ANKRD34A: variants seen among roughly 807,000 people sequenced by gnomAD.
ANKRD34A encodes ankyrin repeat domain-containing protein 34A.
A neutral mutation model predicts 27.1 loss-of-function variants in ANKRD34A; 7 were observed. That is an observed-to-expected ratio of 0.26 (90% CI 0.15 to 0.49). ANKRD34A has a LOEUF of 0.49. Ranked by LOEUF, ANKRD34A falls within the 20% of genes least tolerant of loss-of-function variation. ANKRD34A has a pLI of 0.99. For synonymous variants in ANKRD34A, 301 were observed against 300.8 expected (o/e 1.00, Z -0.01); for missense variants, 472 against 682.1 (o/e 0.69, Z 3.43).
In ANKRD34A at chr1:145,960,871, C is replaced by G. The variant is rs1649720125; in HGVS notation, c.889G>C (p.Asp297His). The G allele has an allele frequency of 1.2e-6, 2 of 1,614,102 alleles. No homozygotes were observed. The highest frequency in any genetic ancestry group is 1.7e-6 in the Non-Finnish European group (2 of 1,180,032). The part of the protein sequence containing the change: ...SRRHSTEGPE[D>H]PPPWAEKVTS... ...ACTTTCTCCGCCCATGGGGGCGGGT[C>G]CTCAGGGCCTTCGGTGCTGTGACGT... is the stretch of plus-strand genomic sequence containing the variant. Residue 297 changes from aspartate to histidine, a missense_variant, in exon 4 of 4, where the codon GAC (aspartate) becomes CAC (histidine). Asp to His is a moderately conservative substitution (Grantham distance 81, BLOSUM62 -1). Transcript: ENST00000606888. The surrounding 1 kb of genome is among the most constrained non-coding windows in gnomAD (Gnocchi z 5.5).
At position 145,961,706 on chromosome 1, in the gene ANKRD34A, T is replaced by C; in HGVS notation, c.54A>G (p.Leu18=). Residue 18 remains leucine (L), a synonymous_variant, in exon 4 of 4, where the codon CTA becomes CTG. Transcript: ENST00000606888. The surrounding 1 kb of genome is among the most constrained non-coding windows in gnomAD (Gnocchi z 9.5). The part of the protein sequence containing the change: ...ALLRAVGQGK[L]RLARLLLEGG... ...CCTCCAGAAGCAAACGGGCCAAGCG[T>C]AGCTTACCCTGACCCACCGCCCGAA... 6.2e-7 allele frequency: 1 copy of C among 1,613,868 alleles called. No homozygotes were observed. The highest frequency in any genetic ancestry group is 8.5e-7 in the Non-Finnish European group (1 of 1,179,892).
chr1:145,961,153 G>A lies in ANKRD34A; in HGVS notation c.607C>T (p.Arg203Cys), dbSNP rs149951044. The part of the protein sequence containing the change: ...GGGGRGMLSP[R>C]AQEEEEKRDV... ...CGCTTCTCCTCTTCTTCCTGGGCGC[G>A]AGGGGATAACATCCCACGCCCTCCT... is the stretch of plus-strand genomic sequence containing the variant. Residue 203 changes from arginine (R) to cysteine (C), a missense_variant, in exon 4 of 4, where the codon CGC (arginine) becomes TGC (cysteine). Around this residue, in one of 4 missense-constraint regions of ANKRD34A, gnomAD observed 295 missense variants for 335.0 expected, o/e 0.88. Coordinates refer to ENST00000606888, the MANE Select transcript of ANKRD34A (RefSeq NM_001039888.4). This position sits in a 1 kb window ranked among gnomAD's most constrained non-coding sequence, Gnocchi z 9.5. The A allele has an allele frequency of 1.9e-6, 3 of 1,614,044 alleles. No homozygotes were observed. Among genetic ancestry groups the A allele is most frequent in the East Asian group, 2.2e-5 (1 of 44,888 alleles).
chr1:145,960,866 C>T lies in ANKRD34A; in HGVS notation c.894G>A (p.Pro298=). 2 of 1,614,220 alleles carry T rather than the reference C, an allele frequency of 1.2e-6. No individual in the cohort carries two copies. The highest frequency in any genetic ancestry group is 2.2e-5 in the East Asian group (1 of 44,890). The change falls in exon 4 of 4, where the codon CCG becomes CCA. Residue 298 remains proline, a synonymous_variant. Transcript: ENST00000606888. This position sits in a 1 kb window ranked among gnomAD's most constrained non-coding sequence, Gnocchi z 5.5. The stretch of plus-strand genomic sequence containing the variant: ...TAGTCACTTTCTCCGCCCATGGGGG[C>T]GGGTCCTCAGGGCCTTCGGTGCTGT... ...RRHSTEGPED[P]PPWAEKVTSG... is the part of the protein sequence containing the mutation.
At position 145,959,493 on chromosome 1, in the gene ANKRD34A, G is replaced by T. The variant is rs1395004898; in HGVS notation, c.*776C>A. On this transcript the variant is annotated 3_prime_UTR_variant, in exon 4 of 4. Transcript: ENST00000606888. Reference sequence around the variant, plus strand: ...TCAAGTGGAGAGAGGAGTGATTTAGGGTTTCTCCCCACTTCTACCTGTGGG... The same window carrying T: ...TCAAGTGGAGAGAGGAGTGATTTAGTGTTTCTCCCCACTTCTACCTGTGGG... 6.0e-6 allele frequency: 1 copy of T among 167,034 alleles called. No homozygotes were observed. Among genetic ancestry groups the T allele is most frequent in the African/African-American group, 2.4e-5 (1 of 41,414 alleles). 10.3% of individuals were successfully genotyped at this position (167,034 alleles called of 1,614,324 possible). A position where few individuals can be genotyped will look rare whatever the true frequency, so the allele number is the denominator to read the frequency against.
Position 145,964,176 on chromosome 1 carries a change from C to A in ANKRD34A, c.-897+8G>T. ...CCAAATCCTTCCTTTCTTGAACCCT[C>A]TGCCCACCTTCTCACAGACACGGCA... On this transcript the variant is annotated splice_region_variant and intron_variant, in intron 1 of 3. Coordinates refer to ENST00000606888, the MANE Select transcript of ANKRD34A (RefSeq NM_001039888.4). The A allele has an allele frequency of 6.5e-6, 1 of 152,692 alleles. No individual in the cohort carries two copies. The allele number at this position is 152,692 out of a possible 1,614,324, so 9.5% of individuals were successfully genotyped here. A position where few individuals can be genotyped will look rare whatever the true frequency, so the allele number is the denominator to read the frequency against.
rs782261088 is a variant in ANKRD34A, at chr1:145,961,591, C to T, written c.169G>A (p.Ala57Thr). The T allele has an allele frequency of 6.2e-7, 1 of 1,609,296 alleles. No homozygotes were observed. Among genetic ancestry groups the T allele is most frequent in the South Asian group, 1.1e-5 (1 of 90,516 alleles). Residue 57 changes from alanine to threonine, a missense_variant, in exon 4 of 4, where the codon GCA (alanine) becomes ACA (threonine). This residue lies in a region of ANKRD34A where 118 missense variants were observed against 253.6 expected (regional missense o/e 0.47). Coordinates refer to ENST00000606888, the MANE Select transcript of ANKRD34A (RefSeq NM_001039888.4). This position sits in a 1 kb window ranked among gnomAD's most constrained non-coding sequence, Gnocchi z 9.5. ...RARYDDPQNK[A>T]RMVRYLLEQG... ...TCCAGGAGGTAGCGTACCATGCGTG[C>T]CTTGTTCTGGGGGTCGTCGTAGCGG...
In ANKRD34A at chr1:145,960,540, C is replaced by T; in HGVS notation, c.1220G>A (p.Arg407Lys). ...GTCCAGGAGCAACGTCCCCGAGCCC[C>T]TCCGCTCCAGCAGCCCCGGACTCCG... is the stretch of plus-strand genomic sequence containing the variant. ...RRRSPGLLER[R>K]GSGTLLLDHI... is the part of the protein sequence containing the mutation. The change falls in exon 4 of 4, where the codon AGG (arginine) becomes AAG (lysine). Residue 407 changes from arginine (R) to lysine (K), a missense_variant. Coordinates refer to ENST00000606888, the MANE Select transcript of ANKRD34A (RefSeq NM_001039888.4). This position sits in a 1 kb window ranked among gnomAD's most constrained non-coding sequence, Gnocchi z 5.5. The T allele has an allele frequency of 6.3e-7, 1 of 1,587,692 alleles. No individual in the cohort carries two copies. The highest frequency in any genetic ancestry group is 2.3e-5 in the East Asian group (1 of 43,802).
rs1437303676 is a variant in ANKRD34A, at chr1:145,961,372, G to T, written c.388C>A (p.Leu130Met). The change falls in exon 4 of 4, where the codon CTG becomes ATG. Residue 130 changes from leucine (L) to methionine (M), a missense_variant. Leu to Met is a conservative substitution (Grantham distance 15). Transcript: ENST00000606888. The surrounding 1 kb of genome is among the most constrained non-coding windows in gnomAD (Gnocchi z 9.5). ...DRGDRETLAT[L>M]LDACKAKGTE... is the part of the protein sequence containing the mutation. ...CCCTTGGCCTTGCAGGCGTCCAGCA[G>T]TGTGGCAAGGGTCTCGCGGTCCCCG... The T allele has an allele frequency of 6.2e-7, 1 of 1,613,942 alleles. No homozygotes were observed. Among genetic ancestry groups the T allele is most frequent in the Non-Finnish European group, 8.5e-7 (1 of 1,179,990 alleles).
In ANKRD34A at chr1:145,960,746, T is replaced by G. The variant is rs782701596; in HGVS notation, c.1014A>C (p.Pro338=). 1.7e-5 allele frequency: 27 copies of G among 1,614,110 alleles called. No homozygotes were observed. Among genetic ancestry groups the G allele is most frequent in the Non-Finnish European group, 4.2e-6 (5 of 1,180,036 alleles). ...GLRQKLSRME[P]VELDTPGHLC... ...GGTGTCCAGGGGTGTCCAGCTCCAC[T>G]GGCTCCATGCGGCTCAGTTTCTGCC... Residue 338 remains proline (P), a synonymous_variant, in exon 4 of 4, where the codon CCA becomes CCC. Coordinates refer to ENST00000606888, the MANE Select transcript of ANKRD34A (RefSeq NM_001039888.4). This position sits in a 1 kb window ranked among gnomAD's most constrained non-coding sequence, Gnocchi z 5.5.
chr1:145,963,945 C>G (rs1164734846), intron 1 of ANKRD34A, among the ~76,000 whole-genome samples: 1 of 152,222 alleles, frequency 6.6e-6, no homozygotes, highest in African/African-American at 2.4e-5. Context: ...GCCATTTTCT[C>G]TGACATCTGG....
At position 145,961,462 on chromosome 1, in the gene ANKRD34A, G is replaced by T; in HGVS notation, c.298C>A (p.His100Asn). The T allele has an allele frequency of 6.3e-7, 1 of 1,592,870 alleles. No homozygotes were observed. Among genetic ancestry groups the T allele is most frequent in the Non-Finnish European group, 8.6e-7 (1 of 1,168,808 alleles). Reference sequence around the variant, plus strand: ...TCTCGGACTGAGGGGTCTGCGCCGTGGGCAAGGAGCAGCGAGGCCACCGCG... The same window carrying T: ...TCTCGGACTGAGGGGTCTGCGCCGTTGGCAAGGAGCAGCGAGGCCACCGCG... Reference protein sequence around the residue: ...GAAVASLLLAHGADPSVRDHA... With the variant: ...GAAVASLLLANGADPSVRDHA... The change falls in exon 4 of 4, where the codon CAC becomes AAC. Residue 100 changes from histidine to asparagine, a missense_variant. Transcript: ENST00000606888. This position sits in a 1 kb window ranked among gnomAD's most constrained non-coding sequence, Gnocchi z 9.5.
Position 145,960,042 on chromosome 1 carries a change from C to T in ANKRD34A, c.*227G>A. The T allele has an allele frequency of 2.2e-6, 1 of 454,478 alleles. No individual in the cohort carries two copies. The highest frequency in any genetic ancestry group is 3.9e-6 in the Non-Finnish European group (1 of 259,256). 28.2% of individuals were successfully genotyped at this position (454,478 alleles called of 1,614,324 possible). A position where few individuals can be genotyped will look rare whatever the true frequency, so the allele number is the denominator to read the frequency against. ...TAATCCCATATGCATGTGAAATGAC[C>T]AGGGCATGAATACATGTGTGTATAT... On this transcript the variant is annotated 3_prime_UTR_variant, in exon 4 of 4. Coordinates refer to ENST00000606888, the MANE Select transcript of ANKRD34A (RefSeq NM_001039888.4). This position sits in a 1 kb window ranked among gnomAD's most constrained non-coding sequence, Gnocchi z 5.5.
chr1:145,959,614 A>C lies in ANKRD34A; in HGVS notation c.*655T>G, dbSNP rs369341714. On this transcript the variant is annotated 3_prime_UTR_variant, in exon 4 of 4. Transcript: ENST00000606888. Reference sequence around the variant, plus strand: ...AATCTGTTGTAGTTGTTGGAGGAACAGGGTGGGAATAAAAAGCAGGAAGTT... The same window carrying C: ...AATCTGTTGTAGTTGTTGGAGGAACCGGGTGGGAATAAAAAGCAGGAAGTT... 1 of 167,462 alleles carries C rather than the reference A, an allele frequency of 6.0e-6. No homozygotes were observed. The highest frequency in any genetic ancestry group is 1.5e-5 in the Non-Finnish European group (1 of 68,200). 10.4% of individuals were successfully genotyped at this position (167,462 alleles called of 1,614,324 possible). A position where few individuals can be genotyped will look rare whatever the true frequency, so the allele number is the denominator to read the frequency against.
In ANKRD34A at chr1:145,960,527, C is replaced by A; in HGVS notation, c.1233G>T (p.Thr411=). The change falls in exon 4 of 4, where the codon ACG becomes ACT. Residue 411 remains threonine, a synonymous_variant. Coordinates refer to ENST00000606888, the MANE Select transcript of ANKRD34A (RefSeq NM_001039888.4). This position sits in a 1 kb window ranked among gnomAD's most constrained non-coding sequence, Gnocchi z 5.5. ...TTTGCGAGATGTGGTCCAGGAGCAA[C>A]GTCCCCGAGCCCCTCCGCTCCAGCA... ...PGLLERRGSG[T]LLLDHISQTR... 6 of 1,589,898 alleles carry A rather than the reference C, an allele frequency of 3.8e-6. No individual in the cohort carries two copies. Among genetic ancestry groups the A allele is most frequent in the Non-Finnish European group, 5.1e-6 (6 of 1,168,486 alleles).
Position 145,959,935 on chromosome 1 carries a change from T to G in ANKRD34A, c.*334A>C, listed in dbSNP as rs1649654000. ...AGACTGCCCATAAGTAAGGGTTCCC[T>G]ACTGCTTCTGAACAAATGCAAGAGA... On this transcript the variant is annotated 3_prime_UTR_variant, in exon 4 of 4. Transcript: ENST00000606888. 3.1e-6 allele frequency: 1 copy of G among 317,946 alleles called. No individual in the cohort carries two copies. Among genetic ancestry groups the G allele is most frequent in the African/African-American group, 2.1e-5 (1 of 46,578 alleles). 19.7% of individuals were successfully genotyped at this position (317,946 alleles called of 1,614,324 possible). A position where few individuals can be genotyped will look rare whatever the true frequency, so the allele number is the denominator to read the frequency against.
Position 145,961,534 on chromosome 1 carries a change from A to G in ANKRD34A, c.226T>C (p.Leu76=), listed in dbSNP as rs782024823. Residue 76 remains leucine (L), a synonymous_variant, in exon 4 of 4, where the codon TTA becomes CTA. Coordinates refer to ENST00000606888, the MANE Select transcript of ANKRD34A (RefSeq NM_001039888.4). The surrounding 1 kb of genome is among the most constrained non-coding windows in gnomAD (Gnocchi z 9.5). The part of the protein sequence containing the change: ...QGADPNIADR[L]GRTALMHACA... Reference sequence around the variant, plus strand: ...GCGTGCATGAGCGCCGTGCGCCCTAATCGGTCTGCGATATTGGGGTCCGCG... The same window carrying G: ...GCGTGCATGAGCGCCGTGCGCCCTAGTCGGTCTGCGATATTGGGGTCCGCG... 3 of 1,584,068 alleles carry G rather than the reference A, an allele frequency of 1.9e-6. No individual in the cohort carries two copies. The highest frequency in any genetic ancestry group is 2.6e-6 in the Non-Finnish European group (3 of 1,165,328).
In ANKRD34A at chr1:145,960,482, G is replaced by C. The variant is rs1553761123; in HGVS notation, c.1278C>G (p.Pro426=). ...HISQTRPGFL[P]PLNVSPHPPI... ...GAGGGTGGGGACTGACGTTGAGAGGGGGTAGGAAACCCGGCCGCGTTTGCG... is the reference window on the plus strand; with the variant it reads ...GAGGGTGGGGACTGACGTTGAGAGGCGGTAGGAAACCCGGCCGCGTTTGCG... Residue 426 remains proline (P), a synonymous_variant, in exon 4 of 4, where the codon CCC becomes CCG. Coordinates refer to ENST00000606888, the MANE Select transcript of ANKRD34A (RefSeq NM_001039888.4). The surrounding 1 kb of genome is among the most constrained non-coding windows in gnomAD (Gnocchi z 5.5). 1 of 1,604,034 alleles carries C rather than the reference G, an allele frequency of 6.2e-7. No homozygotes were observed. Among genetic ancestry groups the C allele is most frequent in the Non-Finnish European group, 8.5e-7 (1 of 1,174,960 alleles).
Position 145,960,626 on chromosome 1 carries a change from G to C in ANKRD34A, c.1134C>G (p.Pro378=). The C allele has an allele frequency of 6.3e-7, 1 of 1,584,898 alleles. No homozygotes were observed. Among genetic ancestry groups the C allele is most frequent in the South Asian group, 1.1e-5 (1 of 87,786 alleles). ...PLTLPPAGSA[P]SPRQSQESLP... Reference sequence around the variant, plus strand: ...GACTCTCCTGGGACTGGCGCGGAGAGGGAGCCGAGCCGGCTGGAGGGAGGG... The same window carrying C: ...GACTCTCCTGGGACTGGCGCGGAGACGGAGCCGAGCCGGCTGGAGGGAGGG... Residue 378 remains proline, a synonymous_variant, in exon 4 of 4, where the codon CCC becomes CCG. Transcript: ENST00000606888. This position sits in a 1 kb window ranked among gnomAD's most constrained non-coding sequence, Gnocchi z 5.5.
chr1:145,960,865 G>T lies in ANKRD34A; in HGVS notation c.895C>A (p.Pro299Thr). Residue 299 changes from proline (P) to threonine (T), a missense_variant, in exon 4 of 4, where the codon CCC becomes ACC. Coordinates refer to ENST00000606888, the MANE Select transcript of ANKRD34A (RefSeq NM_001039888.4). This position sits in a 1 kb window ranked among gnomAD's most constrained non-coding sequence, Gnocchi z 5.5. ...CTAGTCACTTTCTCCGCCCATGGGG[G>T]CGGGTCCTCAGGGCCTTCGGTGCTG... Reference protein sequence around the residue: ...RHSTEGPEDPPPWAEKVTSGG... With the variant: ...RHSTEGPEDPTPWAEKVTSGG... The T allele has an allele frequency of 1.2e-6, 2 of 1,614,242 alleles. No individual in the cohort carries two copies. The highest frequency in any genetic ancestry group is 1.3e-5 in the African/African-American group (1 of 75,068).
Sources: gnomAD v4.1 joint callset for allele counts (sites outside exome capture counted in the v4.1 genomes callset) on GRCh38, gnomAD v4.1.1 for gene constraint, gnomAD v4.1.1 regional missense constraint, Gnocchi (gnomAD v3.1) non-coding constraint, MANE v1.5 for transcripts, NCBI Gene and HGNC (gene_info 2026-07-23, HGNC 2026-07-21) for gene names.